DCT: variants seen among roughly 807,000 people sequenced by gnomAD.
DCT encodes the protein L-dopachrome tautomerase.
A neutral mutation model predicts 53.0 loss-of-function variants in DCT; 47 were observed. That is an observed-to-expected ratio of 0.89 (90% CI 0.70 to 1.13). DCT has a LOEUF of 1.13. Ranked by LOEUF, DCT falls within the 50% of genes most tolerant of loss-of-function variation. DCT has a pLI of 0.00. For missense variants in DCT, 669 were observed against 637.4 expected (o/e 1.05, Z -0.53); for synonymous variants, 244 against 237.0 (o/e 1.03, Z -0.27).
In DCT at chr13:94,439,764, G is replaced by T; in HGVS notation, c.*134C>A. 1.6e-6 allele frequency: 1 copy of T among 644,088 alleles called. No homozygotes were observed. The highest frequency in any genetic ancestry group is 2.5e-6 in the Non-Finnish European group (1 of 393,642). The allele number at this position is 644,088 out of a possible 1,614,324, so 39.9% of individuals were successfully genotyped here. ...CTACAGCTAAGCATCTTCTGAATGA[G>T]ATCATCATCACTATAGAAGAACCTA... On this transcript the variant is annotated 3_prime_UTR_variant, in exon 8 of 8. Coordinates refer to ENST00000377028, the MANE Select transcript of DCT (RefSeq NM_001922.5).
rs539851438 is a variant in DCT at position 94,466,012 on chromosome 13, ATAT to A, written c.697-216_697-214del. Among the ~76,000 whole-genome samples, 203 of 70,606 alleles carry A rather than the reference ATAT, an allele frequency of 2.9e-3. 4 individuals carry two copies. The Middle Eastern group carries it at 0.029, about 10-fold the overall frequency. 46.3% of individuals were successfully genotyped at this position (70,606 alleles called of 152,430 possible). A position where few individuals can be genotyped will look rare whatever the true frequency, so the allele number is the denominator to read the frequency against. The stretch of plus-strand genomic sequence containing the variant: ...TATATATATATATATATATATATAT[ATAT>A]ATATATATACTGTGTACAATGGAGT... On this transcript the variant is annotated intron_variant, in intron 3 of 7. Coordinates refer to ENST00000377028, the MANE Select transcript of DCT (RefSeq NM_001922.5).
chr13:94,469,747 G>A (rs1362675172), intron 1 of DCT, among the ~76,000 whole-genome samples: 1 of 152,154 alleles, frequency 6.6e-6, no homozygotes, highest in Non-Finnish European at 1.5e-5. Context: ...TTTAGAGAAG[G>A]AAGAAAATAC....
At chr13:94,524,674 G>A in the DCT span, among the ~76,000 whole-genome samples, 1,660 of 152,214 alleles carry the variant, frequency 0.011, 31 homozygotes, top group African/African-American at 0.038. Flanking sequence ...GTCTTTTCTT[G>A]GTTCAGCCTT....
chr13:94,504,597 G>C, the DCT span, among the ~76,000 whole-genome samples: 6 of 152,142 alleles, frequency 3.9e-5, no homozygotes, highest in Admixed American at 1.3e-4. Context: ...TCGAACTCCT[G>C]ATCTCAGGTG....
the DCT span, among the ~76,000 whole-genome samples, chr13:94,517,856 G>T: frequency 6.6e-6 from 1 of 152,012 alleles, no homozygotes; most frequent in African/African-American, 2.4e-5. Flanking sequence ...AAAGAATGCT[G>T]GTAGCCACCA....
the DCT span, among the ~76,000 whole-genome samples, chr13:94,508,677 G>A: frequency 6.6e-6 from 1 of 152,144 alleles, no homozygotes; most frequent in African/African-American, 2.4e-5. Flanking sequence ...TGGGAAAGGG[G>A]GATTCGAATT....
At chr13:94,458,892 T>C (rs906937290) in intron 6 of DCT, among the ~76,000 whole-genome samples, 11 of 152,130 alleles carry the variant, frequency 7.2e-5, no homozygotes, top group Non-Finnish European at 1.5e-4. Flanking sequence ...TGTTTTTGTT[T>C]TTGAAACAGG....
intron 7 of DCT, among the ~76,000 whole-genome samples, chr13:94,442,642 A>G (rs1277659481): frequency 6.6e-6 from 1 of 152,252 alleles, no homozygotes; most frequent in African/African-American, 2.4e-5. Flanking sequence ...GGAAAAGTTA[A>G]TAAGAAATCT....
chr13:94,437,543 T>G lies in DCT; in HGVS notation c.*2355A>C, dbSNP rs1881977356. ...AAAGCATTTCTATTAAAATCATACA[T>G]GCAGTTTTTCTAATACTGAAGATAT... is the stretch of plus-strand genomic sequence containing the variant. On this transcript the variant is annotated 3_prime_UTR_variant, in exon 8 of 8. Transcript: ENST00000377028. The G allele has an allele frequency of 2.0e-5, 3 of 152,318 alleles. No homozygotes were observed. The South Asian group carries it at 6.2e-4, about 32-fold the overall frequency. 9.4% of individuals were successfully genotyped at this position (152,318 alleles called of 1,614,324 possible). A position where few individuals can be genotyped will look rare whatever the true frequency, so the allele number is the denominator to read the frequency against.
chr13:94,521,020 C>A, the DCT span, among the ~76,000 whole-genome samples: 3 of 152,152 alleles, frequency 2.0e-5, no homozygotes, highest in South Asian at 4.1e-4. Context: ...GCCTAACTAG[C>A]CCACATTTAG....
chr13:94,520,872 G>T, the DCT span, among the ~76,000 whole-genome samples: 1 of 152,138 alleles, frequency 6.6e-6, no homozygotes, highest in Non-Finnish European at 1.5e-5. Context: ...TTCCCTAATG[G>T]TAAATCACAC....
chr13:94,462,712 C>T (rs1395666707), intron 4 of DCT, among the ~76,000 whole-genome samples: 5 of 152,040 alleles, frequency 3.3e-5, no homozygotes, highest in African/African-American at 1.2e-4. Context: ...GCACAAAATA[C>T]GGACATGGGC....
intron 1 of DCT, among the ~76,000 whole-genome samples, chr13:94,477,631 G>A (rs939279709): frequency 1.1e-4 from 16 of 148,060 alleles, no homozygotes; most frequent in Non-Finnish European, 1.3e-4. Context: ...TGTATCCCCA[G>A]GATCTAAAAT....
At position 94,479,431 on chromosome 13, in the gene DCT, C is replaced by T. The variant is rs1885340363; in HGVS notation, c.-176G>A. The T allele has an allele frequency of 1.6e-6, 1 of 614,700 alleles. No homozygotes were observed. The highest frequency in any genetic ancestry group is 2.2e-5 in the South Asian group (1 of 44,742). The allele number at this position is 614,700 out of a possible 1,614,324, so 38.1% of individuals were successfully genotyped here. A position where few individuals can be genotyped will look rare whatever the true frequency, so the allele number is the denominator to read the frequency against. On this transcript the variant is annotated 5_prime_UTR_variant, in exon 1 of 8. Coordinates refer to ENST00000377028, the MANE Select transcript of DCT (RefSeq NM_001922.5). Reference sequence around the variant, plus strand: ...AAGAATCACAGAGGTTACATGTGTGCACATGTGTACATGAACGTGCACACA... The same window carrying T: ...AAGAATCACAGAGGTTACATGTGTGTACATGTGTACATGAACGTGCACACA...
At chr13:94,494,530 T>C in the DCT span, among the ~76,000 whole-genome samples, 5 of 152,136 alleles carry the variant, frequency 3.3e-5, no homozygotes, top group Non-Finnish European at 5.9e-5. Context: ...CCATTCTCCT[T>C]GCAACAGCAA....
chr13:94,478,830 A>G, intron 1 of DCT, 131 bp downstream of exon 1: 2 of 885,300 alleles, frequency 2.3e-6, no homozygotes, highest in Non-Finnish European at 3.4e-6. Context: ...TATGCTTCCG[A>G]CCAAAACCAT....
chr13:94,512,246 T>C, the DCT span, among the ~76,000 whole-genome samples: 1 of 152,176 alleles, frequency 6.6e-6, no homozygotes. Context: ...ATGGATTGCC[T>C]CTTTTAATAA....
chr13:94,460,403 G>A (rs1883705888), intron 5 of DCT, among the ~76,000 whole-genome samples, 177 bp from the exon 6 acceptor site: 1 of 152,086 alleles, frequency 6.6e-6, no homozygotes, highest in African/African-American at 2.4e-5. Context: ...CCTCTGTAAG[G>A]GGAGAGAACT....
At chr13:94,527,473 C>T in the DCT span, among the ~76,000 whole-genome samples, 362 of 152,314 alleles carry the variant, frequency 2.4e-3, 4 homozygotes, top group African/African-American at 8.4e-3. Context: ...GCAGCCTCCG[C>T]TGGTGATACC....
Sources: gnomAD v4.1 joint callset for allele counts (sites outside exome capture counted in the v4.1 genomes callset) on GRCh38, gnomAD v4.1.1 for gene constraint, MANE v1.5 for transcripts, NCBI Gene and HGNC (gene_info 2026-07-23, HGNC 2026-07-21) for gene names.